EDA: variants seen among roughly 807,000 people sequenced by gnomAD.
EDA encodes ectodysplasin A, also known as ectodysplasin-A.
EDA carries 2 observed loss-of-function variants against 23.6 expected under a neutral mutation model. That is an observed-to-expected ratio of 0.08 (90% CI 0.03 to 0.27). EDA has a LOEUF of 0.27. EDA is among the 10% of genes least tolerant of loss of function. EDA has a pLI of 1.00. For synonymous variants in EDA, 131 were observed against 132.0 expected (o/e 0.99, Z 0.05); for missense variants, 229 against 324.2 (o/e 0.71, Z 2.26).
chrX:69,661,723 A>G (rs774795776), intron 1 of EDA, among the ~76,000 whole-genome samples: 19 of 111,568 alleles, frequency 1.7e-4, no homozygotes, highest in African/African-American at 6.2e-4. Flanking sequence ...TTTTGGTACC[A>G]GTACCATGCT....
chrX:69,670,186 T>TTTG (rs1373095560), intron 1 of EDA: 1 of 301,196 alleles, frequency 3.3e-6, no homozygotes, highest in African/African-American at 3.0e-5. Flanking sequence ...GCTGACTGTT[T>TTTG]TTTTTTTTTT....
chrX:69,991,207 T>C (rs1269946380), intron 2 of EDA, among the ~76,000 whole-genome samples: 1 of 111,625 alleles, frequency 9.0e-6, no homozygotes, highest in East Asian at 2.8e-4. Flanking sequence ...TTATTACTCC[T>C]GGTTCTCATT....
intron 1 of EDA, among the ~76,000 whole-genome samples, chrX:69,676,943 G>C (rs867597619): frequency 2.1e-3 from 212 of 99,772 alleles, no homozygotes; most frequent in African/African-American, 7.3e-3. Context: ...TCGTCATCTA[G>C]CATTAGGTAT....
At chrX:69,701,222 T>C (rs1219361986) in intron 1 of EDA, among the ~76,000 whole-genome samples, 1 of 111,482 alleles carries the variant, frequency 9.0e-6, no homozygotes, top group African/African-American at 3.3e-5. Flanking sequence ...CGGTCTTCAG[T>C]GGCAAGGCTG....
chrX:69,808,564 T>G (rs2015868341), intron 1 of EDA, among the ~76,000 whole-genome samples: 1 of 111,878 alleles, frequency 8.9e-6, no homozygotes, highest in African/African-American at 3.3e-5. Flanking sequence ...TTGATCTTTC[T>G]GATGTGGCCA....
chrX:69,823,145 T>A lies in EDA; in HGVS notation c.397-133882T>A, dbSNP rs12847506. 5.5e-5 allele frequency among the ~76,000 whole-genome samples: 4 copies of A among 72,400 alleles called. 1 individual carries two copies. The highest frequency in any genetic ancestry group is 2.0e-4 in the African/African-American group (3 of 14,717). The allele number at this position is 72,400 out of a possible 115,157, so 62.9% of individuals were successfully genotyped here. On this transcript the variant is annotated intron_variant, in intron 1 of 7. Coordinates refer to ENST00000374552, the MANE Select transcript of EDA (RefSeq NM_001399.5). ...AAGTCTTTGCTATTGTGAATAATGC[T>A]GCAATAAACATACGTGTGCATGTGT...
chrX:70,027,679 A>G (rs768563887), intron 3 of EDA, among the ~76,000 whole-genome samples, 178 bp from the exon 4 acceptor site: 1 of 110,365 alleles, frequency 9.1e-6, no homozygotes, highest in South Asian at 4.0e-4. Flanking sequence ...AAAAATTAGC[A>G]GGTCGCGGTG....
chrX:69,791,987 G>A (rs1357182681), intron 1 of EDA, among the ~76,000 whole-genome samples: 1 of 111,658 alleles, frequency 9.0e-6, no homozygotes, highest in Non-Finnish European at 1.9e-5. Flanking sequence ...ACAGTTTTGG[G>A]GGGTACAGCT....
rs766164898 is a variant in EDA, at chrX:69,770,425, C to T, written c.396+153721C>T. 5.4e-5 allele frequency among the ~76,000 whole-genome samples: 6 copies of T among 112,009 alleles called. No homozygotes were observed. In the South Asian group the frequency reaches 1.1e-3, roughly 21 times the overall value. On this transcript the variant is annotated intron_variant, in intron 1 of 7. Coordinates refer to ENST00000374552, the MANE Select transcript of EDA (RefSeq NM_001399.5). ...TGTTGTCACTCATTTTTATTTTAAT[C>T]ATACAGATAGGTGTGCAGTGATATC...
chrX:69,966,295 T>C (rs1018082033), intron 2 of EDA, among the ~76,000 whole-genome samples: 6 of 110,905 alleles, frequency 5.4e-5, no homozygotes, highest in Admixed American at 3.8e-4. Flanking sequence ...AAAATAAGAA[T>C]TCAGCCGGGT....
At chrX:69,829,229 G>A (rs138828016) in intron 1 of EDA, among the ~76,000 whole-genome samples, 38 of 112,128 alleles carry the variant, frequency 3.4e-4, no homozygotes, top group African/African-American at 1.2e-3. Flanking sequence ...CATAAAGATG[G>A]TAAATATTTG....
At chrX:69,996,244 G>A (rs1001982990) in intron 2 of EDA, among the ~76,000 whole-genome samples, 7 of 111,865 alleles carry the variant, frequency 6.3e-5, no homozygotes, top group Non-Finnish European at 1.1e-4. Flanking sequence ...AAATTATTAG[G>A]AATAACCAAG....
rs758937877 is a variant in EDA at position 70,027,876 on chromosome X, T to A, written c.546T>A (p.Pro182=). ...TTTCAGGAAAGAAAGCAGGACCTCC[T>A]GGACCCAATGGCCCTCCAGGACCCC... The part of the protein sequence containing the change: ...NKKKGKKAGP[P]GPNGPPGPPG... Residue 182 remains proline, a synonymous_variant, in exon 4 of 8, where the codon CCT becomes CCA. Coordinates refer to ENST00000374552, the MANE Select transcript of EDA (RefSeq NM_001399.5). The A allele has an allele frequency of 1.0e-6, 1 of 961,059 alleles. No individual in the cohort carries two copies. The highest frequency in any genetic ancestry group is 1.5e-6 in the Non-Finnish European group (1 of 682,590). The allele number at this position is 961,059 out of a possible 1,213,427, so 79.2% of individuals were successfully genotyped here.
At chrX:69,876,719 T>A (rs1022729140) in intron 1 of EDA, among the ~76,000 whole-genome samples, 1 of 112,201 alleles carries the variant, frequency 8.9e-6, no homozygotes, top group Non-Finnish European at 1.9e-5. Flanking sequence ...CTGGCCTTTT[T>A]TCATTTAGCA....
chrX:69,633,436 A>C (rs965466377), intron 1 of EDA, among the ~76,000 whole-genome samples: 3 of 112,009 alleles, frequency 2.7e-5, no homozygotes, highest in Non-Finnish European at 3.8e-5. Context: ...AGAGTTGTGC[A>C]ACTGTGACCA....
intron 1 of EDA, among the ~76,000 whole-genome samples, chrX:69,635,564 A>ATTTTTTTT (rs1233151859): frequency 7.4e-5 from 2 of 26,964 alleles, no homozygotes; most frequent in African/African-American, 8.9e-4. Context: ...CTAACACCAA[A>ATTTTTTTT]TCTTTTTTTT....
intron 1 of EDA, among the ~76,000 whole-genome samples, chrX:69,915,936 C>T (rs938676401): frequency 1.8e-5 from 2 of 111,761 alleles, no homozygotes; most frequent in East Asian, 2.8e-4. Context: ...GCTTTCTTGT[C>T]GGTGCTCCTC....
chrX:69,703,622 T>C (rs1161333428), intron 1 of EDA, among the ~76,000 whole-genome samples: 1 of 111,768 alleles, frequency 8.9e-6, no homozygotes, highest in Non-Finnish European at 1.9e-5. Flanking sequence ...ACAGAAAGTG[T>C]CTCAGTCTTA....
chrX:69,786,518 A>G (rs2015183223), intron 1 of EDA, among the ~76,000 whole-genome samples: 1 of 109,553 alleles, frequency 9.1e-6, no homozygotes, highest in East Asian at 2.9e-4. Flanking sequence ...TTCAAAGAAC[A>G]TCTTTATTTC....
Sources: allele counts gnomAD v4.1 joint callset (sites outside exome capture counted in the v4.1 genomes callset), GRCh38; gene constraint gnomAD v4.1.1; transcripts MANE v1.5; gene names NCBI Gene and HGNC (gene_info 2026-07-23, HGNC 2026-07-21).